Variants in MYL1 observed in about 807,000 individuals in gnomAD.
The protein encoded by MYL1 is myosin light chain 1, also known as myosin light chain 1/3, skeletal muscle isoform.
MYL1 carries 16 observed loss-of-function variants against 21.8 expected under a neutral mutation model. The ratio of observed to expected loss-of-function variants is 0.74; its 90% CI spans 0.50 to 1.12. The LOEUF (loss-of-function observed/expected upper bound fraction) is 1.12, where lower values mean the gene tolerates loss of function less well. MYL1 is among the 50% of genes most tolerant of loss of function. MYL1 has a pLI of 0.00. For synonymous variants in MYL1, 99 were observed against 85.2 expected, an observed-to-expected ratio of 1.16 and a Z score of -0.89; for missense variants, 246 against 241.0, an observed-to-expected ratio of 1.02 and a Z score of -0.14.
intron 2 of MYL1, 30 bp from the exon 3 acceptor site, chr2:210,298,593 C>A (rs780817701): frequency 3.1e-6 from 5 of 1,612,722 alleles, no homozygotes; most frequent in Admixed American, 3.3e-5. Flanking sequence ...TTAGAGTGCT[C>A]TTTTCTTCCT....
At chr2:210,294,984 AGC>A (rs1389853031) in intron 3 of MYL1, among the ~76,000 whole-genome samples, 1 of 152,122 alleles carries the variant, frequency 6.6e-6, no homozygotes, top group Non-Finnish European at 1.5e-5. Flanking sequence ...AAGTAATTTA[AGC>A]AGTTTACAAG....
chr2:210,300,799 C>T (rs556682394), intron 2 of MYL1, among the ~76,000 whole-genome samples: 58 of 152,124 alleles, frequency 3.8e-4, no homozygotes, highest in African/African-American at 1.3e-3. Flanking sequence ...TGTCATTTTC[C>T]AGTTTTTGCA....
At chr2:210,309,650 C>T (rs747086474) in intron 1 of MYL1, among the ~76,000 whole-genome samples, 2 of 152,046 alleles carry the variant, frequency 1.3e-5, no homozygotes, top group South Asian at 2.1e-4. Flanking sequence ...GTATTTCAGT[C>T]TGAAGAGCAG....
intron 1 of MYL1, among the ~76,000 whole-genome samples, chr2:210,305,256 CAAAATGAAGATTG>C (rs1447677621): frequency 1.3e-5 from 2 of 151,998 alleles, no homozygotes; most frequent in Non-Finnish European, 2.9e-5. Context: ...TCTTGAGTTC[CAAAATGAAGATTG>C]AAAATACAAT....
At chr2:210,311,413 C>G (rs1490149708) in intron 1 of MYL1, among the ~76,000 whole-genome samples, 1 of 152,022 alleles carries the variant, frequency 6.6e-6, no homozygotes. Flanking sequence ...GGCATGTGGT[C>G]AATTGTTGAT....
intron 1 of MYL1, among the ~76,000 whole-genome samples, chr2:210,314,451 G>A (rs1413840143): frequency 6.6e-6 from 1 of 152,126 alleles, no homozygotes; most frequent in Non-Finnish European, 1.5e-5. Flanking sequence ...GAAAGTAACT[G>A]TCAAATACAT....
intron 2 of MYL1, among the ~76,000 whole-genome samples, chr2:210,300,841 T>C (rs1226286950): frequency 6.6e-6 from 1 of 152,134 alleles, no homozygotes; most frequent in African/African-American, 2.4e-5. Flanking sequence ...TAGATTCCAA[T>C]AGAGCAGCCA....
At chr2:210,293,892 A>G in intron 4 of MYL1, 92 bp from the exon 5 acceptor site, 1 of 1,073,214 alleles carries the variant, frequency 9.3e-7, no homozygotes, top group Non-Finnish European at 1.4e-6. Flanking sequence ...TGGAGACTAA[A>G]CTCTTGACAT....
At chr2:210,313,990 T>C (rs1690453745) in intron 1 of MYL1, among the ~76,000 whole-genome samples, 1 of 152,032 alleles carries the variant, frequency 6.6e-6, no homozygotes, top group Non-Finnish European at 1.5e-5. Context: ...AATTTTCAAG[T>C]TGTAATATGA....
At position 210,292,954 on chromosome 2, in the gene MYL1, A is replaced by T. The variant is rs977870949; in HGVS notation, c.556+769T>A. On this transcript the variant is annotated intron_variant, in intron 5 of 6. Coordinates refer to ENST00000352451, the MANE Select transcript of MYL1 (RefSeq NM_079420.3). Reference sequence around the variant, plus strand: ...AGTTTAATCAAGATTGTCAGTGAAGATATGCTTGGCTAAGCCCTTTCTTTT... The same window carrying T: ...AGTTTAATCAAGATTGTCAGTGAAGTTATGCTTGGCTAAGCCCTTTCTTTT... 4.6e-5 allele frequency among the ~76,000 whole-genome samples: 7 copies of T among 152,240 alleles called. No individual in the cohort carries two copies. The South Asian group carries it at 6.2e-4, about 14-fold the overall frequency.
At chr2:210,302,900 G>A in intron 1 of MYL1, 1 of 1,207,610 alleles carries the variant, frequency 8.3e-7, no homozygotes, top group East Asian at 2.6e-5. Flanking sequence ...AGCTATGTAG[G>A]TGTCTTGGCA....
Position 210,294,357 on chromosome 2 carries a change from G to A in MYL1, c.366C>T (p.Asn122=). 6.2e-7 allele frequency: 1 copy of A among 1,614,002 alleles called. No homozygotes were observed. The highest frequency in any genetic ancestry group is 8.5e-7 in the Non-Finnish European group (1 of 1,179,946). ...CTTCATAGGTGGCCTGGTCCTTGTT[G>A]TTGGAAATGGCTTGCATCATAGGCA... ...QFLPMMQAIS[N]NKDQATYEDF... Residue 122 remains asparagine (N), a synonymous_variant, in exon 4 of 7, where the codon AAC becomes AAT. Coordinates refer to ENST00000352451, the MANE Select transcript of MYL1 (RefSeq NM_079420.3).
At chr2:210,291,461 G>A (rs982305188) in intron 5 of MYL1, among the ~76,000 whole-genome samples, 1 of 152,206 alleles carries the variant, frequency 6.6e-6, no homozygotes, top group East Asian at 1.9e-4. Context: ...GTATGAAAGG[G>A]TATATAACAA....
Position 210,298,408 on chromosome 2 carries a change from T to A in MYL1, c.304+12A>T, listed in dbSNP as rs1294420310. On this transcript the variant is annotated intron_variant, in intron 3 of 6. Coordinates refer to ENST00000352451, the MANE Select transcript of MYL1 (RefSeq NM_079420.3). ...TATACTTCCACACTTCTTGGAAAAA[T>A]TGATGGGTTACCTTCATTGCTGGGG... The A allele has an allele frequency of 6.2e-7, 1 of 1,612,674 alleles. No homozygotes were observed. The highest frequency in any genetic ancestry group is 8.5e-7 in the Non-Finnish European group (1 of 1,179,612).
rs11888689 is a variant in MYL1, at chr2:210,304,808, T to A, written c.133-2293A>T. On this transcript the variant is annotated intron_variant, in intron 1 of 6. Transcript: ENST00000352451. ...CCATCATCCTGCCCATTGTTGAGAT[T>A]ACAGGCATGAGTCACCTTGTCCAAC... Among the ~76,000 whole-genome samples, 440 of 152,322 alleles carry A rather than the reference T, an allele frequency of 2.9e-3. 2 individuals are homozygous for A. Among genetic ancestry groups the A allele is most frequent in the African/African-American group, 0.01 (420 of 41,578 alleles).
chr2:210,309,378 A>G (rs954024549), intron 1 of MYL1, among the ~76,000 whole-genome samples: 2 of 152,020 alleles, frequency 1.3e-5, no homozygotes, highest in African/African-American at 4.8e-5. Context: ...ATCACAGTGA[A>G]AGGAAGAGTA....
At chr2:210,307,996 G>A (rs1433081837) in intron 1 of MYL1, among the ~76,000 whole-genome samples, 3 of 151,970 alleles carry the variant, frequency 2.0e-5, no homozygotes, top group African/African-American at 7.3e-5. Flanking sequence ...GATAATTGGG[G>A]AGACATGTAA....
chr2:210,304,404 T>A (rs991156367), intron 1 of MYL1, among the ~76,000 whole-genome samples: 6 of 152,324 alleles, frequency 3.9e-5, no homozygotes, highest in South Asian at 2.1e-4. Context: ...ACATTTTTTT[T>A]AACTACACAT....
At chr2:210,311,872 A>G (rs750565441) in intron 1 of MYL1, among the ~76,000 whole-genome samples, 8 of 151,984 alleles carry the variant, frequency 5.3e-5, no homozygotes, top group Non-Finnish European at 1.2e-4. Context: ...CAATAACTTT[A>G]GTGTTCAAAT....
Sources: gnomAD v4.1 joint callset for allele counts (sites outside exome capture counted in the v4.1 genomes callset) on GRCh38, gnomAD v4.1.1 for gene constraint, MANE v1.5 for transcripts, NCBI Gene and HGNC (gene_info 2026-07-23, HGNC 2026-07-21) for gene names.